Variants in PPP4C observed in about 807,000 individuals in gnomAD.
PPP4C encodes the protein serine/threonine-protein phosphatase 4 catalytic subunit.
In PPP4C, 10 loss-of-function variants were observed where a neutral mutation model predicts 40.5. The ratio of observed to expected loss-of-function variants is 0.25; its 90% CI spans 0.15 to 0.42. The LOEUF (loss-of-function observed/expected upper bound fraction) is 0.42, where lower values mean the gene tolerates loss of function less well. PPP4C is among the 10% of genes least tolerant of loss of function. The pLI is 1.00. For synonymous variants in PPP4C, 187 were observed against 163.6 expected (o/e 1.14, Z -1.09); for missense variants, 191 against 416.4 (o/e 0.46, Z 4.71).
Position 30,081,836 on chromosome 16 carries a change from T to C in PPP4C, c.150+526T>C, listed in dbSNP as rs562913854. On this transcript the variant is annotated intron_variant, in intron 3 of 8. Coordinates refer to ENST00000279387, the MANE Select transcript of PPP4C (RefSeq NM_002720.3). ...TTGGGAGGCCGAGGCAGGTGGATCA[T>C]GAGGTCAGGAGATCGAGACCATCCT... 17 of 160,416 alleles carry C rather than the reference T, an allele frequency of 1.1e-4. No homozygotes were observed. The South Asian group carries it at 2.2e-3, about 21-fold the overall frequency. The allele number at this position is 160,416 out of a possible 1,614,324, so 9.9% of individuals were successfully genotyped here.
At chr16:30,078,020 G>A (rs983201089) in intron 2 of PPP4C, among the ~76,000 whole-genome samples, 1 of 152,162 alleles carries the variant, frequency 6.6e-6, no homozygotes. Context: ...GGTGTTTTTA[G>A]TTGTCCCCTT....
In PPP4C at chr16:30,085,106, C is replaced by T. The variant is rs1266728074; in HGVS notation, c.*44C>T. ...CCCTCCAACCCTTCTGGCCCTCGCA[C>T]CACTGTGACTCTGCCATCTTCCTCA... is the stretch of plus-strand genomic sequence containing the variant. On this transcript the variant is annotated 3_prime_UTR_variant, in exon 9 of 9. Coordinates refer to ENST00000279387, the MANE Select transcript of PPP4C (RefSeq NM_002720.3). 6.2e-7 allele frequency: 1 copy of T among 1,600,296 alleles called. No homozygotes were observed. Among genetic ancestry groups the T allele is most frequent in the Admixed American group, 1.7e-5 (1 of 59,616 alleles).
chr16:30,078,145 G>A (rs1236686044), intron 2 of PPP4C, among the ~76,000 whole-genome samples: 1 of 152,184 alleles, frequency 6.6e-6, no homozygotes, highest in Non-Finnish European at 1.5e-5. Flanking sequence ...GGTGGTGATG[G>A]TAGACAAAGC....
At position 30,084,822 on chromosome 16, in the gene PPP4C, T is replaced by G; in HGVS notation, c.761T>G (p.Leu254Arg). ...AAGTGGCACTTCAATGAGACGGTGC[T>G]CACTGTGTGGTCGGCACCCAACTAC... Reference protein sequence around the residue: ...GYKWHFNETVLTVWSAPNYCY... With the variant: ...GYKWHFNETVRTVWSAPNYCY... The change falls in exon 8 of 9, where the codon CTC (leucine) becomes CGC (arginine). Residue 254 changes from leucine to arginine, a missense_variant. Coordinates refer to ENST00000279387, the MANE Select transcript of PPP4C (RefSeq NM_002720.3). 6.2e-7 allele frequency: 1 copy of G among 1,614,244 alleles called. No individual in the cohort carries two copies. Among genetic ancestry groups the G allele is most frequent in the Non-Finnish European group, 8.5e-7 (1 of 1,180,036 alleles).
At position 30,083,823 on chromosome 16, in the gene PPP4C, G is replaced by A; in HGVS notation, c.604+42G>A. ...AGGGGCAGGCAGGGACAGCCAGGAG[G>A]GGTTGGGAAAGAGAGGGAGCAGGGC... On this transcript the variant is annotated intron_variant, in intron 7 of 8. Coordinates refer to ENST00000279387, the MANE Select transcript of PPP4C (RefSeq NM_002720.3). This position sits in a 1 kb window ranked among gnomAD's most constrained non-coding sequence, Gnocchi z 6.3. 3 of 1,608,814 alleles carry A rather than the reference G, an allele frequency of 1.9e-6. No homozygotes were observed. The highest frequency in any genetic ancestry group is 2.5e-6 in the Non-Finnish European group (3 of 1,178,122).
Position 30,085,243 on chromosome 16 carries a change from C to T in PPP4C, c.*181C>T, listed in dbSNP as rs2072599994. On this transcript the variant is annotated 3_prime_UTR_variant, in exon 9 of 9. Transcript: ENST00000279387. ...CTGGAGACCTAGCTCCATGTTCCTC[C>T]TCCTCTCTCCCCACTTGAACCATGA... 2 of 554,916 alleles carry T rather than the reference C, an allele frequency of 3.6e-6. No homozygotes were observed. Among genetic ancestry groups the T allele is most frequent in the East Asian group, 3.0e-5 (1 of 33,886 alleles). 34.4% of individuals were successfully genotyped at this position (554,916 alleles called of 1,614,324 possible).
At chr16:30,076,507 A>C in intron 2 of PPP4C, 32 bp downstream of exon 2, 1 of 1,579,202 alleles carries the variant, frequency 6.3e-7, no homozygotes, top group Non-Finnish European at 8.6e-7. Context: ...AAGGGAGGCC[A>C]AGCCGCCGCC....
chr16:30,083,322 C>A lies in PPP4C; in HGVS notation c.304-72C>A. ...GTTGTGAGGATGGCAGGCTGGCGGG[C>A]ACGAGGAGGTCAGAGAGGGATGTGT... On this transcript the variant is annotated intron_variant, in intron 5 of 8. Coordinates refer to ENST00000279387, the MANE Select transcript of PPP4C (RefSeq NM_002720.3). The surrounding 1 kb of genome is among the most constrained non-coding windows in gnomAD (Gnocchi z 6.3). 1 of 1,512,500 alleles carries A rather than the reference C, an allele frequency of 6.6e-7. No homozygotes were observed. The highest frequency in any genetic ancestry group is 9.0e-7 in the Non-Finnish European group (1 of 1,115,614). 93.7% of individuals were successfully genotyped at this position (1,512,500 alleles called of 1,614,324 possible).
intron 3 of PPP4C, among the ~76,000 whole-genome samples, chr16:30,081,913 G>T (rs1349208492): frequency 2.0e-5 from 3 of 151,642 alleles, no homozygotes; most frequent in Non-Finnish European, 2.9e-5. Flanking sequence ...AAATTAGCCA[G>T]GTGTGGTGGT....
chr16:30,083,847 GCTGGTCTTCA>G lies in PPP4C; in HGVS notation c.604+70_604+79del. 1.3e-6 allele frequency: 2 copies of G among 1,593,716 alleles called. No individual in the cohort carries two copies. Among genetic ancestry groups the G allele is most frequent in the South Asian group, 2.2e-5 (2 of 90,526 alleles). On this transcript the variant is annotated intron_variant, in intron 7 of 8. Coordinates refer to ENST00000279387, the MANE Select transcript of PPP4C (RefSeq NM_002720.3). The surrounding 1 kb of genome is among the most constrained non-coding windows in gnomAD (Gnocchi z 6.3). ...GGGGTTGGGAAAGAGAGGGAGCAGGGCTGGTCTTCACTGTCACTCGTCCTCCACCTGCCAA... is the reference window on the plus strand; with the variant it reads ...GGGGTTGGGAAAGAGAGGGAGCAGGGCTGTCACTCGTCCTCCACCTGCCAA...
At position 30,076,560 on chromosome 16, in the gene PPP4C, CTTGCCTCG is replaced by C. The variant is rs2072402985; in HGVS notation, c.98+88_98+95del. 2.2e-6 allele frequency: 3 copies of C among 1,371,086 alleles called. No individual in the cohort carries two copies. In the Admixed American group the frequency reaches 6.1e-5, roughly 28 times the overall value. 84.9% of individuals were successfully genotyped at this position (1,371,086 alleles called of 1,614,324 possible). ...GGCAAACCCAACTGAGAACTTTGGG[CTTGCCTCG>C]TTCTGGAAGCTTTCCCAGAGAGGAG... On this transcript the variant is annotated intron_variant, in intron 2 of 8. Transcript: ENST00000279387.
chr16:30,083,230 G>A lies in PPP4C; in HGVS notation c.304-164G>A. On this transcript the variant is annotated intron_variant, in intron 5 of 8. Coordinates refer to ENST00000279387, the MANE Select transcript of PPP4C (RefSeq NM_002720.3). The surrounding 1 kb of genome is among the most constrained non-coding windows in gnomAD (Gnocchi z 6.3). The stretch of plus-strand genomic sequence containing the variant: ...GCTTTACATTCTCTGGAGGGGTCGT[G>A]TGGGCCTGGGAGGTGGCTGATGCCA... 3.9e-6 allele frequency: 3 copies of A among 770,052 alleles called. No homozygotes were observed. The highest frequency in any genetic ancestry group is 6.4e-6 in the Non-Finnish European group (3 of 466,824). 47.7% of individuals were successfully genotyped at this position (770,052 alleles called of 1,614,324 possible). A position where few individuals can be genotyped will look rare whatever the true frequency, so the allele number is the denominator to read the frequency against.
intron 2 of PPP4C, among the ~76,000 whole-genome samples, chr16:30,079,062 A>T (rs2072456007): frequency 6.6e-6 from 1 of 151,656 alleles, no homozygotes; most frequent in South Asian, 2.1e-4. Context: ...TCAGGTTTTC[A>T]CTCAGGGTCT....
In PPP4C at chr16:30,083,973, G is replaced by A. The variant is rs1259612450; in HGVS notation, c.604+192G>A. On this transcript the variant is annotated intron_variant, in intron 7 of 8. Coordinates refer to ENST00000279387, the MANE Select transcript of PPP4C (RefSeq NM_002720.3). This position sits in a 1 kb window ranked among gnomAD's most constrained non-coding sequence, Gnocchi z 6.3. ...TTGGGGCATGGCCCAGAGGGCTGTGGAGGACAACCAAGTCATGGCTCCCTG... is the reference window on the plus strand; with the variant it reads ...TTGGGGCATGGCCCAGAGGGCTGTGAAGGACAACCAAGTCATGGCTCCCTG... Among the ~76,000 whole-genome samples, 3 of 152,238 alleles carry A rather than the reference G, an allele frequency of 2.0e-5. No homozygotes were observed. Among genetic ancestry groups the A allele is most frequent in the African/African-American group, 7.2e-5 (3 of 41,462 alleles).
chr16:30,079,086 G>A (rs2072456637), intron 2 of PPP4C, among the ~76,000 whole-genome samples: 1 of 152,114 alleles, frequency 6.6e-6, no homozygotes, highest in African/African-American at 2.4e-5. Flanking sequence ...GAAGGGGCTG[G>A]CATAAATTCT....
At chr16:30,077,422 T>C (rs1199789752) in intron 2 of PPP4C, among the ~76,000 whole-genome samples, 1 of 152,024 alleles carries the variant, frequency 6.6e-6, no homozygotes, top group African/African-American at 2.4e-5. Flanking sequence ...GGGAGGGCTT[T>C]TGAGTGGAGG....
At position 30,083,995 on chromosome 16, in the gene PPP4C, C is replaced by T. The variant is rs2072561671; in HGVS notation, c.604+214C>T. On this transcript the variant is annotated intron_variant, in intron 7 of 8. Transcript: ENST00000279387. This position sits in a 1 kb window ranked among gnomAD's most constrained non-coding sequence, Gnocchi z 6.3. ...GTGGAGGACAACCAAGTCATGGCTC[C>T]CTGAAGTGAAGGGGCCTTAGAACAT... 6.6e-6 allele frequency among the ~76,000 whole-genome samples: 1 copy of T among 152,210 alleles called. No individual in the cohort carries two copies. Among genetic ancestry groups the T allele is most frequent in the South Asian group, 2.1e-4 (1 of 4,836 alleles).
Position 30,081,572 on chromosome 16 carries a change from G to A in PPP4C, c.150+262G>A, listed in dbSNP as rs1331075203. The stretch of plus-strand genomic sequence containing the variant: ...CCAGCCTGGCCAACATGGTGAAACC[G>A]TTTCTACTAAAAATACAAAAATTAG... On this transcript the variant is annotated intron_variant, in intron 3 of 8. Transcript: ENST00000279387. 3.8e-5 allele frequency: 12 copies of A among 319,154 alleles called. No individual in the cohort carries two copies. The East Asian group carries it at 5.7e-4, about 15-fold the overall frequency. The allele number at this position is 319,154 out of a possible 1,614,324, so 19.8% of individuals were successfully genotyped here.
intron 2 of PPP4C, among the ~76,000 whole-genome samples, chr16:30,079,832 G>C (rs192270418): frequency 2.6e-5 from 4 of 152,300 alleles, no homozygotes; most frequent in Non-Finnish European, 5.9e-5. Flanking sequence ...TTGATAAAGA[G>C]TCAGACCCCA....
Sources: gnomAD v4.1 joint callset for allele counts (sites outside exome capture counted in the v4.1 genomes callset) on GRCh38, gnomAD v4.1.1 for gene constraint, Gnocchi (gnomAD v3.1) non-coding constraint, MANE v1.5 for transcripts, NCBI Gene and HGNC (gene_info 2026-07-23, HGNC 2026-07-21) for gene names.